Variants in IL18 observed in about 807,000 individuals in gnomAD.
The protein encoded by IL18 is interleukin 18.
IL18 carries 8 observed loss-of-function variants against 14.2 expected under a neutral mutation model. That is an observed-to-expected ratio of 0.56 (90% CI 0.33 to 1.01). IL18 has a LOEUF of 1.01. Among genes scored for constraint, IL18 ranks in the 50% least tolerant of loss-of-function variants. The pLI is 0.03. For synonymous variants in IL18, 67 were observed against 71.0 expected (o/e 0.94, Z 0.28); for missense variants, 166 against 231.1 (o/e 0.72, Z 1.83).
At chr11:112,162,962 T>C (rs1173915093) in intron 1 of IL18, among the ~76,000 whole-genome samples, 2 of 152,172 alleles carry the variant, frequency 1.3e-5, no homozygotes, top group African/African-American at 2.4e-5. Context: ...TTTATTTTTT[T>C]GTAGAGACTG....
chr11:112,149,996 C>T lies in IL18; in HGVS notation c.226+76G>A, dbSNP rs563560150. 1.1e-4 allele frequency: 135 copies of T among 1,285,248 alleles called. No homozygotes were observed. The African/African-American group carries it at 1.7e-3, about 16-fold the overall frequency. The allele number at this position is 1,285,248 out of a possible 1,614,324, so 79.6% of individuals were successfully genotyped here. A position where few individuals can be genotyped will look rare whatever the true frequency, so the allele number is the denominator to read the frequency against. On this transcript the variant is annotated intron_variant, in intron 4 of 5. Transcript: ENST00000280357. ...TTTCATCTGAGGATTGGGACTAGCACGGAACAATGTAAGCAGTAAAACAGA... is the reference window on the plus strand; with the variant it reads ...TTTCATCTGAGGATTGGGACTAGCATGGAACAATGTAAGCAGTAAAACAGA...
At chr11:112,149,996 C>G in intron 4 of IL18, 76 bp downstream of exon 4, 1 of 1,285,248 alleles carries the variant, frequency 7.8e-7, no homozygotes, top group South Asian at 1.4e-5. Context: ...GGGACTAGCA[C>G]GGAACAATGT....
chr11:112,156,226 T>A (rs1213100932), intron 1 of IL18, among the ~76,000 whole-genome samples: 1 of 152,002 alleles, frequency 6.6e-6, no homozygotes, highest in African/African-American at 2.4e-5. Flanking sequence ...AAACTCAGTT[T>A]AAAAAAAATT....
chr11:112,157,831 T>A (rs1379791865), intron 1 of IL18, among the ~76,000 whole-genome samples: 1 of 152,154 alleles, frequency 6.6e-6, no homozygotes, highest in Non-Finnish European at 1.5e-5. Context: ...TTTCTAAAGA[T>A]CTCACATAGT....
intron 1 of IL18, among the ~76,000 whole-genome samples, chr11:112,160,340 G>C (rs1411075452): frequency 7.5e-6 from 1 of 134,076 alleles, no homozygotes; most frequent in African/African-American, 2.8e-5. Context: ...TGCAAACCCT[G>C]CCTCATCTTT....
intron 1 of IL18, among the ~76,000 whole-genome samples, chr11:112,156,474 A>G (rs1459715951): frequency 6.6e-6 from 1 of 151,832 alleles, no homozygotes; most frequent in Non-Finnish European, 1.5e-5. Flanking sequence ...TCTGTCACCC[A>G]GGTTGGAGTG....
chr11:112,154,459 G>C (rs1866498271), intron 2 of IL18, among the ~76,000 whole-genome samples: 1 of 151,754 alleles, frequency 6.6e-6, no homozygotes, highest in Admixed American at 6.6e-5. Flanking sequence ...CCAGGAGGTG[G>C]AGGTTGCAGT....
At chr11:112,162,720 A>G (rs982343807) in intron 1 of IL18, among the ~76,000 whole-genome samples, 2 of 152,210 alleles carry the variant, frequency 1.3e-5, no homozygotes, top group Admixed American at 1.3e-4. Context: ...TAGATTATGG[A>G]GGGCTTTGGA....
intron 5 of IL18, among the ~76,000 whole-genome samples, chr11:112,147,658 T>G (rs893032410): frequency 6.6e-6 from 1 of 152,236 alleles, no homozygotes; most frequent in Non-Finnish European, 1.5e-5. Context: ...CTGTATCTGT[T>G]GCATATGCAC....
chr11:112,152,618 A>G (rs1187863991), intron 3 of IL18, among the ~76,000 whole-genome samples: 2 of 152,150 alleles, frequency 1.3e-5, no homozygotes, highest in Non-Finnish European at 2.9e-5. Flanking sequence ...TTAACTTCCA[A>G]TTAGAGTCTT....
intron 1 of IL18, among the ~76,000 whole-genome samples, chr11:112,158,835 A>G (rs529831837): frequency 6.6e-6 from 1 of 152,186 alleles, no homozygotes; most frequent in Non-Finnish European, 1.5e-5. Context: ...GCCCATATAA[A>G]CTATAATTTT....
chr11:112,154,282 T>C (rs1449013590), intron 2 of IL18, among the ~76,000 whole-genome samples: 1 of 152,112 alleles, frequency 6.6e-6, no homozygotes, highest in Non-Finnish European at 1.5e-5. Flanking sequence ...CCCAGCACTT[T>C]GGGAGGCCGA....
intron 1 of IL18, among the ~76,000 whole-genome samples, chr11:112,155,838 GA>G (rs531218510): frequency 9.8e-4 from 149 of 152,142 alleles, no homozygotes; most frequent in African/African-American, 3.5e-3. Flanking sequence ...CTTGGATGGG[GA>G]AAAAAATACA....
rs558520308 is a variant in IL18, at chr11:112,150,060, T to TA, written c.226+11dup. ...GCTAGTCATTTCTATGTTTGCGAAT[T>TA]AAAAAAAATACCTCTACAGTCAGAA... On this transcript the variant is annotated intron_variant, in intron 4 of 5. Coordinates refer to ENST00000280357, the MANE Select transcript of IL18 (RefSeq NM_001562.4). 2.7e-4 allele frequency: 427 copies of TA among 1,584,328 alleles called. 2 individuals carry two copies. The highest frequency in any genetic ancestry group is 2.5e-3 in the African/African-American group (183 of 73,020).
intron 1 of IL18, among the ~76,000 whole-genome samples, chr11:112,163,627 T>TTTTAATTAAATTTAATTAAACA (rs1414998539): frequency 6.6e-6 from 1 of 152,210 alleles, no homozygotes; most frequent in Non-Finnish European, 1.5e-5. Context: ...ACATAGTTAT[T>TTTTAATTAAATTTAATTAAACA]TTTAATTAAA....
At chr11:112,162,406 C>T (rs11606049) in intron 1 of IL18, among the ~76,000 whole-genome samples, 24,625 of 149,870 alleles carry the variant, frequency 0.16, 2,697 homozygotes, top group Non-Finnish European at 0.25. Flanking sequence ...AGTGACACAG[C>T]AAACATGGCT....
chr11:112,145,229 C>T lies in IL18; in HGVS notation c.361-1412G>A, dbSNP rs186852153. On this transcript the variant is annotated intron_variant, in intron 5 of 5. Coordinates refer to ENST00000280357, the MANE Select transcript of IL18 (RefSeq NM_001562.4). ...ATAACTCTTGACCTTTGTTCTTTAT[C>T]AACAAGTGTGGGTCCTAAGTTGATG... Among the ~76,000 whole-genome samples the T allele has an allele frequency of 2.6e-5, 4 of 152,324 alleles. No individual in the cohort carries two copies. The East Asian group carries it at 5.8e-4, about 22-fold the overall frequency.
intron 2 of IL18, among the ~76,000 whole-genome samples, chr11:112,154,475 G>A (rs1283200537): frequency 2.0e-5 from 3 of 150,104 alleles, no homozygotes; most frequent in Non-Finnish European, 4.4e-5. Flanking sequence ...GCAGTGAGCA[G>A]AGATTGTGCC....
chr11:112,159,370 A>T (rs1324211472), intron 1 of IL18, among the ~76,000 whole-genome samples: 1 of 152,116 alleles, frequency 6.6e-6, no homozygotes, highest in East Asian at 1.9e-4. Flanking sequence ...AAAAGAATGG[A>T]CCTGATTGAA....
Sources: allele counts gnomAD v4.1 joint callset (sites outside exome capture counted in the v4.1 genomes callset), GRCh38; gene constraint gnomAD v4.1.1; transcripts MANE v1.5; gene names NCBI Gene and HGNC (gene_info 2026-07-23, HGNC 2026-07-21).